MRE11: variants seen among roughly 807,000 people sequenced by gnomAD.
MRE11 encodes double-strand break repair protein MRE11.
In MRE11, 62 loss-of-function variants were observed where a neutral mutation model predicts 91.7. The observed-to-expected ratio is 0.68, with a 90% confidence interval of 0.55 to 0.84. The LOEUF is 0.84. MRE11 is among the 40% of genes least tolerant of loss of function. The pLI, the probability that MRE11 is intolerant of heterozygous loss-of-function variation, is 0.00. For missense variants in MRE11, 796 were observed against 852.9 expected, an observed-to-expected ratio of 0.93 and a Z score of 0.83; for synonymous variants, 273 against 271.4, an observed-to-expected ratio of 1.01 and a Z score of -0.06.
intron 11 of MRE11, 84 bp downstream of exon 11, chr11:94,464,029 A>G: frequency 7.0e-7 from 1 of 1,422,834 alleles, no homozygotes; most frequent in Non-Finnish European, 9.8e-7. Flanking sequence ...AACATCTTCC[A>G]TTATTATGTT....
intron 4 of MRE11, among the ~76,000 whole-genome samples, chr11:94,481,285 G>A (rs145784188): frequency 0.016 from 2,406 of 152,090 alleles, 25 homozygotes; most frequent in East Asian, 0.049. Flanking sequence ...CTCCAACCTG[G>A]GCGACAAAGC....
chr11:94,495,690 C>G (rs891564404), upstream of MRE11, among the ~76,000 whole-genome samples: 1 of 152,190 alleles, frequency 6.6e-6, no homozygotes, highest in Non-Finnish European at 1.5e-5. Context: ...GGCAGCTTAG[C>G]AGAATAAACA....
chr11:94,434,821 C>G (rs1334528157), intron 18 of MRE11, among the ~76,000 whole-genome samples: 3 of 152,122 alleles, frequency 2.0e-5, no homozygotes, highest in Non-Finnish European at 4.4e-5. Flanking sequence ...TTTCTCTTTT[C>G]CACTATAATT....
intron 7 of MRE11, among the ~76,000 whole-genome samples, chr11:94,474,846 TC>T (rs1946810361): frequency 6.6e-6 from 1 of 152,148 alleles, no homozygotes; most frequent in African/African-American, 2.4e-5. Context: ...TTATGAGTTT[TC>T]CTTTCAACTC....
At chr11:94,488,339 TTA>T (rs1947195667) in intron 3 of MRE11, among the ~76,000 whole-genome samples, 2 of 152,282 alleles carry the variant, frequency 1.3e-5, no homozygotes, top group South Asian at 4.1e-4. Context: ...AAGGGAACAC[TTA>T]TACACTGTTG....
intron 15 of MRE11, among the ~76,000 whole-genome samples, chr11:94,446,724 AG>A (rs1402706525): frequency 1.3e-5 from 2 of 152,250 alleles, no homozygotes; most frequent in Non-Finnish European, 1.5e-5. Flanking sequence ...GACTAGTTTT[AG>A]GAATCAAATT....
intron 13 of MRE11, among the ~76,000 whole-genome samples, chr11:94,456,857 CT>C (rs1565218492): frequency 6.6e-6 from 1 of 152,078 alleles, no homozygotes; most frequent in East Asian, 1.9e-4. Context: ...CTACAGGTTT[CT>C]TTTTTAATGG....
intron 2 of MRE11, 88 bp downstream of exon 2, chr11:94,492,694 T>C: frequency 6.5e-7 from 1 of 1,545,764 alleles, no homozygotes. Context: ...ATTTACTGCT[T>C]ATTAAATAAG....
At chr11:94,450,596 A>G (rs1946073635) in intron 14 of MRE11, among the ~76,000 whole-genome samples, 1 of 152,102 alleles carries the variant, frequency 6.6e-6, no homozygotes, top group Non-Finnish European at 1.5e-5. Context: ...TAAAGCAAAA[A>G]CCTGCCTCCT....
chr11:94,507,697 A>G, the MRE11 span, among the ~76,000 whole-genome samples: 1 of 152,102 alleles, frequency 6.6e-6, no homozygotes, highest in Non-Finnish European at 1.5e-5. Context: ...ATGTAGTAAT[A>G]GCTCATTGTA....
intron 4 of MRE11, 68 bp from the exon 5 acceptor site, chr11:94,479,829 C>A: frequency 3.9e-6 from 5 of 1,268,226 alleles, no homozygotes; most frequent in Non-Finnish European, 5.6e-6. Context: ...GATTCTCCTC[C>A]AAAATATTAA....
At chr11:94,430,080 C>A in intron 18 of MRE11, 94 bp from the exon 19 acceptor site, 1 of 1,145,230 alleles carries the variant, frequency 8.7e-7, no homozygotes, top group Non-Finnish European at 1.3e-6. Context: ...GCAGCTGCCA[C>A]GAATATAAAT....
At chr11:94,457,578 G>A (rs747528217) in intron 13 of MRE11, among the ~76,000 whole-genome samples, 16 of 152,060 alleles carry the variant, frequency 1.1e-4, no homozygotes, top group Non-Finnish European at 2.2e-4. Context: ...CATACCAAAG[G>A]TGCTAAGCCA....
In MRE11 at chr11:94,437,246, A is replaced by G; in HGVS notation, c.1868-11T>C. ...TTGTAGATTTAAAGGCTAGAATGAA[A>G]AAGATGAAATGTGCATTATGTTATT... On this transcript the variant is annotated splice_polypyrimidine_tract_variant and intron_variant, in intron 16 of 19. Coordinates refer to ENST00000323929, the MANE Select transcript of MRE11 (RefSeq NM_005591.4). 1 of 1,611,736 alleles carries G rather than the reference A, an allele frequency of 6.2e-7. No homozygotes were observed. Among genetic ancestry groups the G allele is most frequent in the Non-Finnish European group, 8.5e-7 (1 of 1,178,550 alleles).
chr11:94,498,857 C>G (rs1947454766), upstream of MRE11: 1 of 279,934 alleles, frequency 3.6e-6, no homozygotes, highest in African/African-American at 2.3e-5. Flanking sequence ...AAATATCCCA[C>G]ATCCTGGATC....
upstream of MRE11, chr11:94,498,379 T>C (rs373560150): frequency 4.3e-6 from 7 of 1,613,218 alleles, no homozygotes; most frequent in African/African-American, 9.3e-5. Context: ...ACAGCAAGGA[T>C]ACCCTAGAAC....
At chr11:94,474,271 A>G (rs1466506961) in intron 7 of MRE11, among the ~76,000 whole-genome samples, 1 of 152,116 alleles carries the variant, frequency 6.6e-6, no homozygotes, top group Non-Finnish European at 1.5e-5. Flanking sequence ...AGCCTAGACC[A>G]TCTTGAGGTG....
intron 19 of MRE11, among the ~76,000 whole-genome samples, chr11:94,429,073 G>A (rs1945397459): frequency 6.6e-6 from 1 of 152,050 alleles, no homozygotes; most frequent in South Asian, 2.1e-4. Flanking sequence ...GACACACAAA[G>A]CAGCCAACAA....
intron 19 of MRE11, among the ~76,000 whole-genome samples, 157 bp downstream of exon 19, chr11:94,429,754 C>T (rs758425412): frequency 1.3e-5 from 2 of 152,028 alleles, no homozygotes; most frequent in South Asian, 2.1e-4. Flanking sequence ...CTCAGCATCA[C>T]GCAATTCCCA....
Sources: gnomAD v4.1 joint callset for allele counts (sites outside exome capture counted in the v4.1 genomes callset) on GRCh38, gnomAD v4.1.1 for gene constraint, MANE v1.5 for transcripts, NCBI Gene and HGNC (gene_info 2026-07-23, HGNC 2026-07-21) for gene names.